NRXN3: variants seen among roughly 807,000 people sequenced by gnomAD.
NRXN3 encodes neurexin III.
In NRXN3, 32 loss-of-function variants were observed where a neutral mutation model predicts 137.6. The ratio of observed to expected loss-of-function variants is 0.23; its 90% CI spans 0.18 to 0.31. NRXN3 has a LOEUF of 0.31. Ranked by LOEUF, NRXN3 falls within the 10% of genes least tolerant of loss-of-function variation. The pLI is 1.00. For synonymous variants in NRXN3, 798 were observed against 784.5 expected, an observed-to-expected ratio of 1.02 and a Z score of -0.29; for missense variants, 1,574 against 2,062.5, an observed-to-expected ratio of 0.76 and a Z score of 4.59.
intron 4 of NRXN3, among the ~76,000 whole-genome samples, chr14:78,396,446 G>T (rs78860600): frequency 6.6e-6 from 1 of 152,204 alleles, no homozygotes; most frequent in Non-Finnish European, 1.5e-5. Context: ...CTGATGTTTT[G>T]ATTTCTCTTT....
intron 15 of NRXN3, among the ~76,000 whole-genome samples, chr14:79,107,398 T>C (rs1343970683): frequency 1.3e-5 from 2 of 151,994 alleles, no homozygotes; most frequent in Non-Finnish European, 2.9e-5. Flanking sequence ...ATCAACAAAA[T>C]TGGTAAGGCA....
At chr14:79,246,208 G>A (rs1377980100) in intron 15 of NRXN3, among the ~76,000 whole-genome samples, 1 of 152,184 alleles carries the variant, frequency 6.6e-6, no homozygotes, top group East Asian at 1.9e-4. Context: ...AAAGGGAGTT[G>A]AATTACTTCC....
chr14:79,090,295 A>G (rs887785950), intron 15 of NRXN3, among the ~76,000 whole-genome samples: 1 of 152,144 alleles, frequency 6.6e-6, no homozygotes, highest in Non-Finnish European at 1.5e-5. Flanking sequence ...ATGCATTTCT[A>G]GATGTGTATA....
At chr14:78,274,911 C>T (rs1486606345) in intron 2 of NRXN3, among the ~76,000 whole-genome samples, 1 of 152,170 alleles carries the variant, frequency 6.6e-6, no homozygotes, top group Non-Finnish European at 1.5e-5. Context: ...CTGTTACCTA[C>T]TGAGGACGTG....
chr14:79,766,861 C>T (rs1201202002), intron 19 of NRXN3, among the ~76,000 whole-genome samples: 1 of 152,114 alleles, frequency 6.6e-6, no homozygotes, highest in Admixed American at 6.5e-5. Flanking sequence ...AGTGGTGAAC[C>T]TACATGGTGC....
At chr14:78,269,516 C>G (rs141731907) in intron 2 of NRXN3, among the ~76,000 whole-genome samples, 4 of 152,092 alleles carry the variant, frequency 2.6e-5, no homozygotes, top group African/African-American at 9.7e-5. Context: ...AAGTGGACAA[C>G]GGTGGTGGTT....
intron 16 of NRXN3, among the ~76,000 whole-genome samples, chr14:79,624,933 A>G (rs2098267572): frequency 6.6e-6 from 1 of 151,692 alleles, no homozygotes; most frequent in Non-Finnish European, 1.5e-5. Flanking sequence ...TGTCCTTAGT[A>G]GCTGAGACTA....
At chr14:79,502,945 C>T (rs2096839656) in intron 16 of NRXN3, among the ~76,000 whole-genome samples, 1 of 152,102 alleles carries the variant, frequency 6.6e-6, no homozygotes, top group Non-Finnish European at 1.5e-5. Flanking sequence ...AATGAAGCTG[C>T]TTCCTTTCTC....
chr14:79,091,074 G>GT (rs2049069436), intron 15 of NRXN3, among the ~76,000 whole-genome samples: 1 of 92,728 alleles, frequency 1.1e-5, no homozygotes, highest in Admixed American at 9.7e-5. Context: ...TTTTGTCTCA[G>GT]TAAAAAAAAA....
At chr14:79,765,761 C>A (rs1047939865) in intron 19 of NRXN3, among the ~76,000 whole-genome samples, 5 of 152,164 alleles carry the variant, frequency 3.3e-5, no homozygotes, top group African/African-American at 1.2e-4. Context: ...GTCATTCTGT[C>A]CAGGAACTCA....
intron 15 of NRXN3, among the ~76,000 whole-genome samples, chr14:79,112,837 T>G (rs1040300436): frequency 1.3e-5 from 2 of 152,184 alleles, no homozygotes; most frequent in Non-Finnish European, 2.9e-5. Context: ...TGATGTGAAG[T>G]GTCATAGAAT....
chr14:78,390,847 T>C (rs570438057), intron 4 of NRXN3, among the ~76,000 whole-genome samples: 1 of 152,290 alleles, frequency 6.6e-6, no homozygotes, highest in Admixed American at 6.5e-5. Flanking sequence ...TAGGTAAACA[T>C]GTGCCATGGT....
chr14:79,081,619 A>C (rs2047027301), intron 15 of NRXN3, among the ~76,000 whole-genome samples: 1 of 149,384 alleles, frequency 6.7e-6, no homozygotes, highest in African/African-American at 2.5e-5. Context: ...TTATCTCAAA[A>C]AAAAAAAAAA....
At chr14:79,144,382 G>T (rs915668952) in intron 15 of NRXN3, among the ~76,000 whole-genome samples, 1 of 152,166 alleles carries the variant, frequency 6.6e-6, no homozygotes, top group Non-Finnish European at 1.5e-5. Flanking sequence ...AAACTCGGAT[G>T]CATGTCTCCT....
At chr14:78,433,651 T>G (rs1011297583) in intron 4 of NRXN3, among the ~76,000 whole-genome samples, 3 of 152,176 alleles carry the variant, frequency 2.0e-5, no homozygotes, top group African/African-American at 7.2e-5. Context: ...TTCCCTTTTC[T>G]TGCGTGCATG....
At position 79,156,494 on chromosome 14, in the gene NRXN3, A is replaced by G. The variant is rs528717070; in HGVS notation, c.3262+168353A>G. On this transcript the variant is annotated intron_variant, in intron 15 of 20. Coordinates refer to ENST00000335750, the MANE Select transcript of NRXN3 (RefSeq NM_001330195.2). ...AATTTGGATTGCTGTTCAGGAAGCA[A>G]GGTTAAACAAATAAACAAAAATAAA... 7.2e-5 allele frequency among the ~76,000 whole-genome samples: 11 copies of G among 151,972 alleles called. No homozygotes were observed. The East Asian group carries it at 1.7e-3, about 24-fold the overall frequency.
intron 16 of NRXN3, among the ~76,000 whole-genome samples, chr14:79,613,768 C>T (rs1567666605): frequency 1.3e-5 from 2 of 152,212 alleles, no homozygotes; most frequent in Non-Finnish European, 2.9e-5. Context: ...GCCTAGCTCC[C>T]AGGCACAAAG....
chr14:79,251,832 T>C (rs116285002), intron 15 of NRXN3, among the ~76,000 whole-genome samples: 2 of 151,344 alleles, frequency 1.3e-5, no homozygotes, highest in Admixed American at 1.3e-4. Flanking sequence ...TTTCTTTTCT[T>C]TTTTTTTTCA....
chr14:78,288,664 C>T (rs2075448740), intron 3 of NRXN3, among the ~76,000 whole-genome samples: 1 of 152,140 alleles, frequency 6.6e-6, no homozygotes, highest in African/African-American at 2.4e-5. Context: ...GACTTTCTTT[C>T]CTTTGGAATG....
Sources: gnomAD v4.1 joint callset for allele counts (sites outside exome capture counted in the v4.1 genomes callset) on GRCh38, gnomAD v4.1.1 for gene constraint, MANE v1.5 for transcripts, NCBI Gene and HGNC (gene_info 2026-07-23, HGNC 2026-07-21) for gene names.